The following MFN2 variants were observed in gnomAD, a reference collection of about 807,000 sequenced individuals.
The protein encoded by MFN2 is mitofusin 2.
In MFN2, 43 loss-of-function variants were observed where a neutral mutation model predicts 87.5. That is an observed-to-expected ratio of 0.49 (90% CI 0.38 to 0.63). The LOEUF is 0.63. Among genes scored for constraint, MFN2 ranks in the 30% least tolerant of loss-of-function variants. MFN2 has a pLI of 0.00. For missense variants in MFN2, 743 were observed against 972.8 expected, an observed-to-expected ratio of 0.76 and a Z score of 3.14; for synonymous variants, 337 against 359.9, an observed-to-expected ratio of 0.94 and a Z score of 0.72.
chr1:11,986,993 A>G (rs1014218742), intron 2 of MFN2, among the ~76,000 whole-genome samples: 20 of 152,350 alleles, frequency 1.3e-4, no homozygotes, highest in African/African-American at 4.6e-4. Context: ...TGAGAGCAAG[A>G]GAGACAGTCA....
Position 12,013,161 on chromosome 1 carries a change from T to C in MFN2, c.*1596T>C. ...CACAGCATGTCAGGGAAAATCACTG[T>C]CACACAATTCCAATGGATTTTGTGC... On this transcript the variant is annotated 3_prime_UTR_variant, in exon 19 of 19. Coordinates refer to ENST00000235329, the MANE Select transcript of MFN2 (RefSeq NM_014874.4). The C allele has an allele frequency of 2.9e-6, 1 of 349,612 alleles. No homozygotes were observed. The highest frequency in any genetic ancestry group is 2.2e-5 in the South Asian group (1 of 45,824). The allele number at this position is 349,612 out of a possible 1,614,324, so 21.7% of individuals were successfully genotyped here.
chr1:11,986,724 G>A (rs1024348094), intron 2 of MFN2, among the ~76,000 whole-genome samples: 1 of 151,704 alleles, frequency 6.6e-6, no homozygotes, highest in African/African-American at 2.4e-5. Flanking sequence ...CCGAGTAGCT[G>A]GGATTACAGG....
At chr1:11,995,301 A>T (rs1380163447) in intron 4 of MFN2, among the ~76,000 whole-genome samples, 1 of 151,642 alleles carries the variant, frequency 6.6e-6, no homozygotes, top group Non-Finnish European at 1.5e-5. Flanking sequence ...ACAACAAAAA[A>T]CCCCACCAGA....
intron 2 of MFN2, among the ~76,000 whole-genome samples, chr1:11,984,774 G>T (rs1043723108): frequency 6.6e-6 from 1 of 152,242 alleles, no homozygotes; most frequent in Non-Finnish European, 1.5e-5. Flanking sequence ...CAGGGAGCTT[G>T]TGGATAGCTG....
In MFN2 at chr1:12,001,966, C is replaced by T. The variant is rs369651423; in HGVS notation, c.1039-16C>T. On this transcript the variant is annotated splice_polypyrimidine_tract_variant and intron_variant, in intron 10 of 18. Coordinates refer to ENST00000235329, the MANE Select transcript of MFN2 (RefSeq NM_014874.4). ...CTGGTGGCCCCCACCTCCCTCCGTG[C>T]CTCTGTGTGTTCCAGGAGTGCATCT... 1.9e-6 allele frequency: 3 copies of T among 1,614,070 alleles called. No individual in the cohort carries two copies. Among genetic ancestry groups the T allele is most frequent in the African/African-American group, 1.3e-5 (1 of 74,920 alleles).
chr1:11,999,028 G>T lies in MFN2; in HGVS notation c.749G>T (p.Arg250Leu). 1 of 1,614,070 alleles carries T rather than the reference G, an allele frequency of 6.2e-7. No individual in the cohort carries two copies. The highest frequency in any genetic ancestry group is 8.5e-7 in the Non-Finnish European group (1 of 1,180,016). Residue 250 changes from arginine to leucine, a missense_variant, in exon 8 of 19, where the codon CGG becomes CTG. Around this residue, in one of 3 missense-constraint regions of MFN2, gnomAD observed 571 missense variants for 670.7 expected, o/e 0.85. Transcript: ENST00000235329. ...CACAAGGTGAGTGAGCGTCTCTCCC[G>T]GCCAAACATCTTCATCCTGAACAAC... ...FFHKVSERLS[R>L]PNIFILNNRW...
Position 12,004,856 on chromosome 1 carries a change from G to A in MFN2, c.1424G>A (p.Gly475Asp), listed in dbSNP as rs774967287. 7 of 1,613,948 alleles carry A rather than the reference G, an allele frequency of 4.3e-6. No individual in the cohort carries two copies. Among genetic ancestry groups the A allele is most frequent in the South Asian group, 3.3e-5 (3 of 91,048 alleles). ...CACCGCCACATAGAGGAAGGACTGGGTCGAAACATGTCTGACCGCTGCTCC... is the reference window on the plus strand; with the variant it reads ...CACCGCCACATAGAGGAAGGACTGGATCGAAACATGTCTGACCGCTGCTCC... ...ELHRHIEEGLGRNMSDRCSTA... is the reference protein window; with the variant it reads ...ELHRHIEEGLDRNMSDRCSTA... Residue 475 changes from glycine to aspartate, a missense_variant, in exon 14 of 19, where the codon GGT becomes GAT. Physicochemically the swap from Gly to Asp is moderately conservative, Grantham distance 94. Coordinates refer to ENST00000235329, the MANE Select transcript of MFN2 (RefSeq NM_014874.4). This position sits in a 1 kb window ranked among gnomAD's most constrained non-coding sequence, Gnocchi z 4.2.
At position 12,009,652 on chromosome 1, in the gene MFN2, G is replaced by A. The variant is rs755608041; in HGVS notation, c.2130G>A (p.Leu710=). 2.3e-5 allele frequency: 37 copies of A among 1,614,094 alleles called. No homozygotes were observed. The highest frequency in any genetic ancestry group is 1.3e-4 in the East Asian group (6 of 44,900). The part of the protein sequence containing the change: ...CQQVDVTREN[L]EQEIAAMNKK... ...AAGTTGACGTCACCCGGGAGAACCT[G>A]GAGCAGGAAATTGCCGCCATGAACA... is the stretch of plus-strand genomic sequence containing the variant. Residue 710 remains leucine (L), a synonymous_variant, in exon 18 of 19, where the codon CTG becomes CTA. Transcript: ENST00000235329.
Position 12,001,494 on chromosome 1 carries a change from G to T in MFN2, c.910G>T (p.Val304Leu). The change falls in exon 9 of 19, where the codon GTG becomes TTG. Residue 304 changes from valine to leucine, a missense_variant. Physicochemically the swap from Val to Leu is conservative, Grantham distance 32. This residue lies in a region of MFN2 where 571 missense variants were observed against 670.7 expected (regional missense o/e 0.85). Coordinates refer to ENST00000235329, the MANE Select transcript of MFN2 (RefSeq NM_014874.4). The stretch of plus-strand genomic sequence containing the variant: ...CCAGGCCGGGGACCGCATCTTCTTT[G>T]TGTCTGCTAAGGAGGTGCTCAACGC... ...RSQAGDRIFF[V>L]SAKEVLNARI... 1 of 1,614,182 alleles carries T rather than the reference G, an allele frequency of 6.2e-7. No homozygotes were observed.
chr1:12,010,366 A>G (rs1349019832), intron 18 of MFN2, among the ~76,000 whole-genome samples: 5 of 152,110 alleles, frequency 3.3e-5, no homozygotes, highest in African/African-American at 9.7e-5. Context: ...AGTCTTCCCT[A>G]TTTCTCCATT....
rs1280348318 is a variant in MFN2, at chr1:11,980,502, C to T, written c.-150+18C>T. On this transcript the variant is annotated intron_variant, in intron 1 of 18. Transcript: ENST00000235329. ...AGGTGAAGGTGAGAGGGCGAGCAAG[C>T]CGGGGTGGCGGGGACTGGCCCGGCC... The T allele has an allele frequency of 2.5e-6, 1 of 398,298 alleles. No homozygotes were observed. Among genetic ancestry groups the T allele is most frequent in the African/African-American group, 2.1e-5 (1 of 48,734 alleles). 24.7% of individuals were successfully genotyped at this position (398,298 alleles called of 1,614,324 possible).
chr1:11,993,407 T>C (rs1638776830), intron 4 of MFN2, among the ~76,000 whole-genome samples: 1 of 151,892 alleles, frequency 6.6e-6, no homozygotes, highest in South Asian at 2.1e-4. Flanking sequence ...GCATGCATGT[T>C]AGGCAAGCAT....
chr1:12,006,438 A>T, intron 15 of MFN2, 100 bp from the exon 16 acceptor site: 1 of 1,502,182 alleles, frequency 6.7e-7, no homozygotes, highest in Admixed American at 1.7e-5. Context: ...TTGAAGAGCC[A>T]CTCTGTGTCC....
chr1:12,011,664 G>C lies in MFN2; in HGVS notation c.*99G>C, dbSNP rs1294375580. On this transcript the variant is annotated 3_prime_UTR_variant, in exon 19 of 19. Transcript: ENST00000235329. ...GGGCACGTGTGGCTCCTGCCCCCTG[G>C]CCACTGCCAAGAGAATGAAGCACCC... 7.0e-6 allele frequency: 9 copies of C among 1,284,782 alleles called. No individual in the cohort carries two copies. Among genetic ancestry groups the C allele is most frequent in the Non-Finnish European group, 9.0e-6 (8 of 888,822 alleles). The allele number at this position is 1,284,782 out of a possible 1,614,324, so 79.6% of individuals were successfully genotyped here.
intron 18 of MFN2, 35 bp downstream of exon 18, chr1:12,009,761 C>T (rs749346514): frequency 1.2e-6 from 2 of 1,613,666 alleles, no homozygotes; most frequent in East Asian, 4.5e-5. Flanking sequence ...GGTTAGGGCT[C>T]CAGGGTGCAG....
At chr1:11,993,750 A>T (rs1307427663) in intron 4 of MFN2, among the ~76,000 whole-genome samples, 1 of 146,728 alleles carries the variant, frequency 6.8e-6, no homozygotes, top group Non-Finnish European at 1.5e-5. Context: ...AAAAAAAAAA[A>T]TCTAAAAATA....
Position 12,003,901 on chromosome 1 carries a change from G to A in MFN2, c.1161-91G>A. On this transcript the variant is annotated intron_variant, in intron 11 of 18. Transcript: ENST00000235329. This position sits in a 1 kb window ranked among gnomAD's most constrained non-coding sequence, Gnocchi z 4.1. ...TGCAGCCCTGCCAGGCAAGATAGCG[G>A]GCAGGGCGGCGTGGGATTTCTGGCA... 1.3e-6 allele frequency: 2 copies of A among 1,557,368 alleles called. No individual in the cohort carries two copies. Among genetic ancestry groups the A allele is most frequent in the Non-Finnish European group, 1.8e-6 (2 of 1,131,196 alleles).
At position 11,989,314 on chromosome 1, in the gene MFN2, A is replaced by C; in HGVS notation, c.146A>C (p.Tyr49Ser). 1.2e-6 allele frequency: 2 copies of C among 1,614,100 alleles called. No homozygotes were observed. Among genetic ancestry groups the C allele is most frequent in the Non-Finnish European group, 1.7e-6 (2 of 1,180,032 alleles). Reference sequence around the variant, plus strand: ...GGCATTTTTGAGCAGCTGGGGGCCTACATCCAGGAGAGCGCCACCTTCCTT... The same window carrying C: ...GGCATTTTTGAGCAGCTGGGGGCCTCCATCCAGGAGAGCGCCACCTTCCTT... ...INGIFEQLGA[Y>S]IQESATFLED... Residue 49 changes from tyrosine (Y) to serine (S), a missense_variant, in exon 3 of 19, where the codon TAC becomes TCC. By Grantham distance (144) the Tyr-to-Ser change is moderately radical (BLOSUM62 -2). This residue lies in a region of MFN2 where 141 missense variants were observed against 278.9 expected (regional missense o/e 0.51). Coordinates refer to ENST00000235329, the MANE Select transcript of MFN2 (RefSeq NM_014874.4).
At chr1:12,010,430 T>TA (rs1639643162) in intron 18 of MFN2, among the ~76,000 whole-genome samples, 1 of 152,162 alleles carries the variant, frequency 6.6e-6, no homozygotes, top group African/African-American at 2.4e-5. Context: ...ATGGCCAGGC[T>TA]AGGAGGGGAG....
Sources: gnomAD v4.1 joint callset for allele counts (sites outside exome capture counted in the v4.1 genomes callset) on GRCh38, gnomAD v4.1.1 for gene constraint, gnomAD v4.1.1 regional missense constraint, Gnocchi (gnomAD v3.1) non-coding constraint, MANE v1.5 for transcripts, NCBI Gene and HGNC (gene_info 2026-07-23, HGNC 2026-07-21) for gene names.